Variants in FLT3 observed in about 807,000 individuals in gnomAD.
FLT3 encodes fms related receptor tyrosine kinase 3.
In FLT3, 46 loss-of-function variants were observed where a neutral mutation model predicts 126.6. The ratio of observed to expected loss-of-function variants is 0.36; its 90% CI spans 0.29 to 0.46. The LOEUF (loss-of-function observed/expected upper bound fraction) is 0.46. Ranked by LOEUF, FLT3 falls within the 20% of genes least tolerant of loss-of-function variation. FLT3 has a pLI of 1.00. For missense variants in FLT3, 1,069 were observed against 1,190.3 expected (o/e 0.90, Z 1.50); for synonymous variants, 404 against 434.4 (o/e 0.93, Z 0.87).
chr13:28,010,244 CTTA>C (rs1235167934), intron 23 of FLT3, among the ~76,000 whole-genome samples: 1 of 152,178 alleles, frequency 6.6e-6, no homozygotes, highest in Non-Finnish European at 1.5e-5. Flanking sequence ...CATTCATTTA[CTTA>C]ATATCACATG....
intron 3 of FLT3, among the ~76,000 whole-genome samples, chr13:28,057,801 A>C (rs998126435): frequency 6.6e-6 from 1 of 152,208 alleles, no homozygotes; most frequent in African/African-American, 2.4e-5. Context: ...GAACTTTGGG[A>C]AGCCGAGGCA....
chr13:28,091,409 G>A (rs541617111), intron 1 of FLT3, among the ~76,000 whole-genome samples: 1 of 149,028 alleles, frequency 6.7e-6, no homozygotes, highest in Admixed American at 6.7e-5. Context: ...TTTTAGTAGA[G>A]ACGGGGTTTC....
intron 6 of FLT3, 45 bp from the exon 7 acceptor site, chr13:28,049,819 T>C: frequency 2.5e-6 from 4 of 1,589,374 alleles, no homozygotes; most frequent in Non-Finnish European, 3.4e-6. Flanking sequence ...AAGTGATTTT[T>C]GCCTCATCAC....
Position 28,004,140 on chromosome 13 carries a change from C to G in FLT3, c.2894G>C (p.Cys965Ser). 1 of 1,614,068 alleles carries G rather than the reference C, an allele frequency of 6.2e-7. No individual in the cohort carries two copies. The highest frequency in any genetic ancestry group is 8.5e-7 in the Non-Finnish European group (1 of 1,179,994). Reference protein sequence around the residue: ...YQNVDGRVSECPHTYQNRRPF... With the variant: ...YQNVDGRVSESPHTYQNRRPF... ...TCGCCTGTTTTGGTAGGTGTGAGGA[C>G]ATTCCGAAACACGGCCATCCACATT... Residue 965 changes from cysteine (C) to serine (S), a missense_variant, in exon 24 of 24, where the codon TGT becomes TCT. Physicochemically the swap from Cys to Ser is moderately radical, Grantham distance 112. Transcript: ENST00000241453.
chr13:28,043,947 T>C (rs1874618100), intron 9 of FLT3, among the ~76,000 whole-genome samples: 1 of 150,540 alleles, frequency 6.6e-6, no homozygotes, highest in African/African-American at 2.5e-5. Context: ...CCGTCTCTAC[T>C]AAAAATACAA....
intron 17 of FLT3, chr13:28,025,557 A>G (rs192314100): frequency 1.6e-5 from 5 of 317,554 alleles, no homozygotes; most frequent in East Asian, 9.3e-5. Flanking sequence ...TACAATTTAC[A>G]TATCTTTAGG....
chr13:28,027,262 A>G (rs199556590), intron 16 of FLT3, 21 bp from the exon 17 acceptor site: 120 of 1,594,214 alleles, frequency 7.5e-5, no homozygotes, highest in Admixed American at 2.0e-4. Flanking sequence ...TACAGTTTCA[A>G]TTATAGGCAT....
chr13:28,084,542 A>G (rs1339427101), intron 1 of FLT3, among the ~76,000 whole-genome samples: 2 of 151,748 alleles, frequency 1.3e-5, no homozygotes, highest in Non-Finnish European at 1.5e-5. Context: ...TAATTTTTGT[A>G]GAGATGGGGA....
intron 19 of FLT3, among the ~76,000 whole-genome samples, chr13:28,020,343 T>C (rs1173542292): frequency 2.0e-5 from 3 of 152,160 alleles, no homozygotes; most frequent in African/African-American, 4.8e-5. Flanking sequence ...TTTTAAACTT[T>C]TTAAAATTTT....
chr13:28,037,311 C>CTAA, intron 9 of FLT3, 23 bp from the exon 10 acceptor site: 1 of 1,431,002 alleles, frequency 7.0e-7, no homozygotes, highest in Non-Finnish European at 9.9e-7. Flanking sequence ...GAATTAAAGA[C>CTAA]AGATTTAGCC....
chr13:28,057,321 G>T, intron 4 of FLT3, 26 bp downstream of exon 4: 1 of 976,300 alleles, frequency 1.0e-6, no homozygotes, highest in Non-Finnish European at 1.7e-6. Context: ...TTCCAGGCTG[G>T]AATACTAGTA....
chr13:28,088,192 C>G (rs1878804342), intron 1 of FLT3, among the ~76,000 whole-genome samples: 1 of 152,094 alleles, frequency 6.6e-6, no homozygotes, highest in Non-Finnish European at 1.5e-5. Context: ...TGCATTTAAG[C>G]TGGGTTAGGT....
intron 1 of FLT3, among the ~76,000 whole-genome samples, chr13:28,099,575 G>A (rs1326747633): frequency 1.3e-5 from 2 of 152,182 alleles, no homozygotes; most frequent in African/African-American, 4.8e-5. Context: ...GGACGCGGAG[G>A]CCGGGGGAGG....
At chr13:28,013,863 T>C (rs1255826199) in intron 23 of FLT3, among the ~76,000 whole-genome samples, 1 of 152,206 alleles carries the variant, frequency 6.6e-6, no homozygotes, top group Admixed American at 6.5e-5. Flanking sequence ...ATTATTTTTA[T>C]TTAGTTTTAT....
rs2137609269 is a variant in FLT3 at position 28,014,525 on chromosome 13, T to A, written c.2786A>T (p.Asp929Val). ...YIIMQSCWAF[D>V]SRKRPSFPNL... is the part of the protein sequence containing the mutation. ...AGGGAAGGATGGCCGTTTCCTTGAG[T>A]CAAAAGCCCAGCAGGATTGCATTAT... Residue 929 changes from aspartate (D) to valine (V), a missense_variant, in exon 23 of 24, where the codon GAC becomes GTC. Coordinates refer to ENST00000241453, the MANE Select transcript of FLT3 (RefSeq NM_004119.3). The A allele has an allele frequency of 6.2e-7, 1 of 1,613,806 alleles. No homozygotes were observed. Among genetic ancestry groups the A allele is most frequent in the South Asian group, 1.1e-5 (1 of 91,074 alleles).
intron 12 of FLT3, 58 bp from the exon 13 acceptor site, chr13:28,034,465 T>G: frequency 8.2e-7 from 1 of 1,221,942 alleles, no homozygotes; most frequent in Non-Finnish European, 1.2e-6. Context: ...ACATTATAAA[T>G]AGTGGACAAC....
In FLT3 at chr13:28,024,940, C is replaced by G. The variant is rs148592477; in HGVS notation, c.2211G>C (p.Met737Ile). 340 of 1,602,722 alleles carry G rather than the reference C, an allele frequency of 2.1e-4. 2 individuals carry two copies. In the Middle Eastern group the frequency reaches 2.8e-3, roughly 13 times the overall value. The change falls in exon 18 of 24, where the codon ATG becomes ATC. Residue 737 changes from methionine (M) to isoleucine (I), a missense_variant. By Grantham distance (10) the Met-to-Ile change is conservative. Transcript: ENST00000241453. Reference sequence around the variant, plus strand: ...GTATCTGAACTTCTCTTGAACCAGGCATGCTATTAAAAAATTTTGTTTTTT... The same window carrying G: ...GTATCTGAACTTCTCTTGAACCAGGGATGCTATTAAAAAATTTTGTTTTTT... Reference protein sequence around the residue: ...PTFQSHPNSSMPGSREVQIHP... With the variant: ...PTFQSHPNSSIPGSREVQIHP...
intron 2 of FLT3, among the ~76,000 whole-genome samples, chr13:28,065,275 T>C (rs930261282): frequency 6.6e-6 from 1 of 152,230 alleles, no homozygotes; most frequent in Admixed American, 6.5e-5. Context: ...GATACTTCTC[T>C]GAGTATACTG....
chr13:28,040,422 C>T (rs534447598), intron 9 of FLT3, among the ~76,000 whole-genome samples: 7 of 152,194 alleles, frequency 4.6e-5, no homozygotes, highest in Admixed American at 2.0e-4. Context: ...CCCAGTTGGT[C>T]CCCAAGACTC....
Sources: allele counts gnomAD v4.1 joint callset (sites outside exome capture counted in the v4.1 genomes callset), GRCh38; gene constraint gnomAD v4.1.1; transcripts MANE v1.5; gene names NCBI Gene and HGNC (gene_info 2026-07-23, HGNC 2026-07-21).